The following CACHD1 variants were observed in gnomAD, a reference collection of about 807,000 sequenced individuals.
CACHD1 encodes cache domain containing 1.
Under a neutral mutation model 138.7 loss-of-function variants are expected in CACHD1, and 71 were observed. The observed-to-expected ratio is 0.51, with a 90% CI of 0.42 to 0.62. The LOEUF (loss-of-function observed/expected upper bound fraction) is 0.62. Ranked by LOEUF, CACHD1 falls within the 20% of genes least tolerant of loss-of-function variation. The pLI is 0.00. For missense variants in CACHD1, 1,389 were observed against 1,625.3 expected, an observed-to-expected ratio of 0.85 and a Z score of 2.50; for synonymous variants, 578 against 591.5, an observed-to-expected ratio of 0.98 and a Z score of 0.33.
At chr1:64,523,863 A>G (rs563739473) in intron 1 of CACHD1, among the ~76,000 whole-genome samples, 64 of 152,332 alleles carry the variant, frequency 4.2e-4, no homozygotes, top group Admixed American at 9.1e-4. Flanking sequence ...AGACTTTCAC[A>G]TGCTTTATTC....
intron 26 of CACHD1, among the ~76,000 whole-genome samples, chr1:64,683,519 G>T (rs1377218469): frequency 6.6e-6 from 1 of 152,086 alleles, no homozygotes; most frequent in East Asian, 1.9e-4. Flanking sequence ...ACCAAATTAG[G>T]ATTCTGAGTG....
chr1:64,593,305 G>A (rs1385957517), intron 3 of CACHD1, among the ~76,000 whole-genome samples: 1 of 152,150 alleles, frequency 6.6e-6, no homozygotes, highest in African/African-American at 2.4e-5. Context: ...GATGTTTCAA[G>A]ACATACAGCT....
chr1:64,595,806 G>A (rs1335858084), intron 3 of CACHD1, among the ~76,000 whole-genome samples: 1 of 152,150 alleles, frequency 6.6e-6, no homozygotes, highest in Non-Finnish European at 1.5e-5. Flanking sequence ...TAGGGAAATG[G>A]CGAAAAAGAA....
intron 1 of CACHD1, among the ~76,000 whole-genome samples, chr1:64,520,309 A>G (rs1646489158): frequency 6.6e-6 from 1 of 152,178 alleles, no homozygotes; most frequent in East Asian, 1.9e-4. Flanking sequence ...CCCATTTCTC[A>G]CATTTATATT....
chr1:64,520,783 C>T (rs1476552080), intron 1 of CACHD1, among the ~76,000 whole-genome samples: 1 of 152,188 alleles, frequency 6.6e-6, no homozygotes, highest in Non-Finnish European at 1.5e-5. Context: ...TTACTGAGCA[C>T]GTAGCATGTG....
chr1:64,631,723 G>C (rs1004483001), intron 5 of CACHD1, among the ~76,000 whole-genome samples: 1 of 152,068 alleles, frequency 6.6e-6, no homozygotes, highest in Non-Finnish European at 1.5e-5. Context: ...TTAGCAAAAG[G>C]CTGCTTTGAT....
intron 7 of CACHD1, among the ~76,000 whole-genome samples, chr1:64,635,056 A>T (rs1303518992): frequency 6.6e-6 from 1 of 150,822 alleles, no homozygotes; most frequent in Non-Finnish European, 1.5e-5. Context: ...CTTCGTCATC[A>T]TCTAATTATA....
At chr1:64,474,092 A>C (rs568067471) in intron 1 of CACHD1, among the ~76,000 whole-genome samples, 55 of 152,354 alleles carry the variant, frequency 3.6e-4, no homozygotes, top group Non-Finnish European at 6.5e-4. Context: ...ATTTTAAAAA[A>C]TCTTTAAATA....
At chr1:64,688,433 T>G (rs894930386) in intron 26 of CACHD1, among the ~76,000 whole-genome samples, 7 of 152,146 alleles carry the variant, frequency 4.6e-5, no homozygotes, top group Non-Finnish European at 8.8e-5. Flanking sequence ...CATCACTATT[T>G]GCTCAGTATC....
At chr1:64,550,762 C>T (rs903323739) in intron 2 of CACHD1, 106 bp downstream of exon 2, 52 of 725,032 alleles carry the variant, frequency 7.2e-5, no homozygotes, top group Non-Finnish European at 1.2e-4. Flanking sequence ...TGTTCTTTCT[C>T]TCTGTATAAT....
intron 3 of CACHD1, among the ~76,000 whole-genome samples, chr1:64,583,827 TACTC>T (rs1183940685): frequency 6.6e-6 from 1 of 152,094 alleles, no homozygotes; most frequent in Non-Finnish European, 1.5e-5. Context: ...TCGTGAAACT[TACTC>T]ACTGTCACGA....
chr1:64,671,352 A>G (rs1304211322), intron 16 of CACHD1, among the ~76,000 whole-genome samples: 1 of 152,126 alleles, frequency 6.6e-6, no homozygotes, highest in African/African-American at 2.4e-5. Context: ...TTATTTATAC[A>G]GTCCTACATT....
intron 24 of CACHD1, among the ~76,000 whole-genome samples, chr1:64,680,241 C>A (rs1650127519): frequency 6.6e-6 from 1 of 152,156 alleles, no homozygotes; most frequent in Admixed American, 6.5e-5. Flanking sequence ...GTAATCCCAG[C>A]ACTTTGGGAG....
chr1:64,675,564 A>G lies in CACHD1; in HGVS notation c.2888+3A>G. 1 of 1,605,452 alleles carries G rather than the reference A, an allele frequency of 6.2e-7. No individual in the cohort carries two copies. The highest frequency in any genetic ancestry group is 8.5e-7 in the Non-Finnish European group (1 of 1,172,624). ...CGACTCTGTCTCAACTGTCACCGGTAAAAATGCAATGGGTCATATTCTGTG... is the reference window on the plus strand; with the variant it reads ...CGACTCTGTCTCAACTGTCACCGGTGAAAATGCAATGGGTCATATTCTGTG... On this transcript the variant is annotated splice_donor_region_variant and intron_variant, in intron 20 of 26. Transcript: ENST00000651257.
chr1:64,506,641 G>A (rs1428691726), intron 1 of CACHD1, among the ~76,000 whole-genome samples: 2 of 152,116 alleles, frequency 1.3e-5, no homozygotes, highest in Non-Finnish European at 2.9e-5. Context: ...TTTCCTAGCT[G>A]GAATTAAGTG....
chr1:64,596,023 CTA>C (rs1308118175), intron 3 of CACHD1, among the ~76,000 whole-genome samples: 1 of 152,170 alleles, frequency 6.6e-6, no homozygotes, highest in African/African-American at 2.4e-5. Flanking sequence ...GAAGGAAAAA[CTA>C]TTTCTCGGAA....
intron 14 of CACHD1, chr1:64,664,247 T>C: frequency 3.6e-6 from 2 of 548,788 alleles, no homozygotes; most frequent in East Asian, 5.9e-5. Context: ...TGACTCGCTA[T>C]AGGATTTTTC....
intron 2 of CACHD1, among the ~76,000 whole-genome samples, chr1:64,565,822 A>G (rs965006633): frequency 2.6e-5 from 4 of 152,200 alleles, no homozygotes; most frequent in Non-Finnish European, 4.4e-5. Flanking sequence ...CAGAGAGGTA[A>G]TAAGTATAAA....
At chr1:64,657,753 C>G (rs1187228902) in intron 12 of CACHD1, among the ~76,000 whole-genome samples, 1 of 152,166 alleles carries the variant, frequency 6.6e-6, no homozygotes, top group Non-Finnish European at 1.5e-5. Context: ...ACTTTTATTT[C>G]ACTAAGTAAG....
Sources: gnomAD v4.1 joint callset for allele counts (sites outside exome capture counted in the v4.1 genomes callset) on GRCh38, gnomAD v4.1.1 for gene constraint, MANE v1.5 for transcripts, NCBI Gene and HGNC (gene_info 2026-07-23, HGNC 2026-07-21) for gene names.